The following ARHGAP24 variants were observed in gnomAD, a reference collection of about 807,000 sequenced individuals.
ARHGAP24 encodes the protein Rho GTPase activating protein 24, also known as rho GTPase-activating protein 24.
In ARHGAP24, 50 loss-of-function variants were observed where a neutral mutation model predicts 76.4. The observed-to-expected ratio is 0.65, with a 90% CI of 0.52 to 0.83. The LOEUF (loss-of-function observed/expected upper bound fraction) is 0.83. ARHGAP24 is among the 40% of genes least tolerant of loss of function. The pLI, the probability that ARHGAP24 is intolerant of heterozygous loss-of-function variation, is 0.00. For missense variants in ARHGAP24, 930 were observed against 914.2 expected (o/e 1.02, Z -0.22); for synonymous variants, 345 against 323.3 (o/e 1.07, Z -0.72).
intron 4 of ARHGAP24, chr4:85,930,842 A>C: frequency 6.3e-7 from 1 of 1,595,944 alleles, no homozygotes; most frequent in Non-Finnish European, 8.5e-7. Flanking sequence ...AATAACAAGT[A>C]AACAAGCATG....
intron 2 of ARHGAP24, among the ~76,000 whole-genome samples, chr4:85,710,755 A>G (rs897682614): frequency 6.6e-5 from 10 of 152,188 alleles, no homozygotes; most frequent in African/African-American, 2.2e-4. Context: ...CAAAATCACA[A>G]TGGGACACCG....
intron 4 of ARHGAP24, among the ~76,000 whole-genome samples, chr4:85,937,689 A>C (rs1372474467): frequency 6.6e-6 from 1 of 152,158 alleles, no homozygotes; most frequent in African/African-American, 2.4e-5. Flanking sequence ...GGAGACTGAC[A>C]GTTTTAAAGG....
chr4:85,749,617 G>T (rs1320046385), intron 3 of ARHGAP24, among the ~76,000 whole-genome samples: 2 of 152,180 alleles, frequency 1.3e-5, no homozygotes, highest in Non-Finnish European at 2.9e-5. Context: ...TGTTGCCCAG[G>T]CTGGAGTGCA....
intron 1 of ARHGAP24, among the ~76,000 whole-genome samples, chr4:85,478,989 T>G (rs28429102): frequency 0.2 from 31,107 of 152,198 alleles, 3,545 homozygotes; most frequent in Admixed American, 0.29. Context: ...CCACCTGAAT[T>G]CAAGCCCCCA....
chr4:85,587,980 G>A (rs971176050), intron 2 of ARHGAP24, among the ~76,000 whole-genome samples: 1 of 152,150 alleles, frequency 6.6e-6, no homozygotes, highest in Non-Finnish European at 1.5e-5. Flanking sequence ...AGACAGAAAG[G>A]AAGGGAAGGT....
At chr4:85,956,715 G>C (rs940477306) in intron 5 of ARHGAP24, among the ~76,000 whole-genome samples, 1 of 152,162 alleles carries the variant, frequency 6.6e-6, no homozygotes, top group Non-Finnish European at 1.5e-5. Flanking sequence ...CCTTTAGCCC[G>C]ATCGGGAGGG....
At chr4:85,925,091 T>G (rs1052018590) in intron 4 of ARHGAP24, among the ~76,000 whole-genome samples, 4 of 152,212 alleles carry the variant, frequency 2.6e-5, no homozygotes, top group African/African-American at 9.6e-5. Flanking sequence ...GGATTCCTCA[T>G]AGTTATGCAG....
intron 2 of ARHGAP24, among the ~76,000 whole-genome samples, chr4:85,582,979 C>G (rs1727679858): frequency 1.3e-5 from 2 of 152,088 alleles, no homozygotes; most frequent in South Asian, 4.1e-4. Flanking sequence ...GATTGAGAAA[C>G]AGGAGTTGTG....
chr4:85,486,654 A>G (rs966674280), intron 1 of ARHGAP24, among the ~76,000 whole-genome samples: 36 of 152,222 alleles, frequency 2.4e-4, no homozygotes, highest in Admixed American at 2.4e-3. Context: ...CTCTGTTAGT[A>G]CAGTGAGCAA....
At chr4:85,779,674 A>G (rs182563663) in intron 3 of ARHGAP24, among the ~76,000 whole-genome samples, 52 of 152,216 alleles carry the variant, frequency 3.4e-4, no homozygotes, top group Middle Eastern at 3.4e-3. Flanking sequence ...TTCTAAGAAG[A>G]GTGAAATTTT....
intron 1 of ARHGAP24, among the ~76,000 whole-genome samples, chr4:85,517,077 C>T (rs1724537914): frequency 6.6e-6 from 1 of 152,130 alleles, no homozygotes; most frequent in Admixed American, 6.5e-5. Flanking sequence ...TAACAAGTTT[C>T]CACAGCACTT....
At chr4:85,915,122 G>A (rs185437019) in intron 3 of ARHGAP24, among the ~76,000 whole-genome samples, 103 of 152,288 alleles carry the variant, frequency 6.8e-4, no homozygotes, top group Non-Finnish European at 2.2e-4. Flanking sequence ...GACAAAAGTG[G>A]AAGTCAGAAT....
At chr4:85,552,717 C>T (rs563349048) in intron 1 of ARHGAP24, among the ~76,000 whole-genome samples, 3 of 152,258 alleles carry the variant, frequency 2.0e-5, no homozygotes, top group African/African-American at 7.2e-5. Context: ...CAAGTGCATA[C>T]ATATATTTAG....
intron 1 of ARHGAP24, among the ~76,000 whole-genome samples, chr4:85,512,105 G>A (rs1724309995): frequency 6.6e-6 from 1 of 152,164 alleles, no homozygotes; most frequent in East Asian, 1.9e-4. Context: ...GGTAGTGGGG[G>A]TCAGGACTTC....
chr4:85,917,356 A>T (rs1380120879), intron 3 of ARHGAP24, among the ~76,000 whole-genome samples: 1 of 152,002 alleles, frequency 6.6e-6, no homozygotes, highest in Non-Finnish European at 1.5e-5. Flanking sequence ...TATTGTGAAT[A>T]GTGCCGCAAT....
At chr4:85,754,108 T>C (rs1301504379) in intron 3 of ARHGAP24, among the ~76,000 whole-genome samples, 1 of 152,190 alleles carries the variant, frequency 6.6e-6, no homozygotes, top group Non-Finnish European at 1.5e-5. Context: ...CCACCCAGCC[T>C]CTGGGAACCT....
intron 2 of ARHGAP24, among the ~76,000 whole-genome samples, chr4:85,592,678 T>A (rs1156494503): frequency 2.6e-5 from 4 of 152,162 alleles, no homozygotes; most frequent in African/African-American, 4.8e-5. Flanking sequence ...TACTGTCTTA[T>A]CTCCATGAGT....
At chr4:85,600,484 G>A (rs113813945) in intron 2 of ARHGAP24, among the ~76,000 whole-genome samples, 1,707 of 152,278 alleles carry the variant, frequency 0.011, 37 homozygotes, top group African/African-American at 0.039. Context: ...CGTGAGAAGA[G>A]GGAGATGGGG....
intron 3 of ARHGAP24, chr4:85,722,446 A>G: frequency 5.4e-6 from 1 of 185,568 alleles, no homozygotes; most frequent in Middle Eastern, 5.0e-4. Context: ...TAATACTTGT[A>G]ATACTGACCA....
Sources: allele counts gnomAD v4.1 joint callset (sites outside exome capture counted in the v4.1 genomes callset), GRCh38; gene constraint gnomAD v4.1.1; transcripts MANE v1.5; gene names NCBI Gene and HGNC (gene_info 2026-07-23, HGNC 2026-07-21).